ITGAD: variants seen among roughly 807,000 people sequenced by gnomAD.
ITGAD encodes integrin subunit alpha D.
A neutral mutation model predicts 139.0 loss-of-function variants in ITGAD; 105 were observed. The ratio of observed to expected loss-of-function variants is 0.76; its 90% CI spans 0.65 to 0.89. ITGAD has a LOEUF of 0.89. ITGAD is among the 40% of genes least tolerant of loss of function. The pLI is 0.00. For missense variants in ITGAD, 1,384 were observed against 1,487.3 expected, an observed-to-expected ratio of 0.93 and a Z score of 1.14; for synonymous variants, 569 against 598.3, an observed-to-expected ratio of 0.95 and a Z score of 0.71.
At position 31,403,422 on chromosome 16, in the gene ITGAD, C is replaced by T. The variant is rs2081455275; in HGVS notation, c.559-78C>T. The stretch of plus-strand genomic sequence containing the variant: ...ACTTGAGGCCAGGAGTTTGAGAGAC[C>T]CTGTCTCTACAAAAAATTAAAATAA... On this transcript the variant is annotated intron_variant, in intron 6 of 29. Transcript: ENST00000389202. The surrounding 1 kb of genome is among the most constrained non-coding windows in gnomAD (Gnocchi z 4.4). 2 of 1,543,650 alleles carry T rather than the reference C, an allele frequency of 1.3e-6. No individual in the cohort carries two copies. The highest frequency in any genetic ancestry group is 1.4e-5 in the African/African-American group (1 of 73,430).
In ITGAD at chr16:31,418,475, CTCCAGTGAGAACAATAAGGCT is replaced by C; in HGVS notation, c.2697-3_2714del. 6.2e-7 allele frequency: 1 copy of C among 1,613,168 alleles called. No homozygotes were observed. The highest frequency in any genetic ancestry group is 8.5e-7 in the Non-Finnish European group (1 of 1,179,180). On this transcript the variant is annotated splice_acceptor_variant and splice_polypyrimidine_tract_variant and coding_sequence_variant and intron_variant, in exon 23 of 30. Coordinates refer to ENST00000389202, the MANE Select transcript of ITGAD (RefSeq NM_005353.3). LOFTEE classifies it high-confidence loss of function. ...CTTCCCATTGGTCCCTCCTTTCTGT[CTCCAGTGAGAACAATAAGGCT>C]TCAAGCAGCAAGGCCACCTTCCAGC... is the stretch of plus-strand genomic sequence containing the variant.
chr16:31,400,041 G>C (rs766074413), intron 5 of ITGAD, among the ~76,000 whole-genome samples: 1 of 152,228 alleles, frequency 6.6e-6, no homozygotes, highest in South Asian at 2.1e-4. Flanking sequence ...ACAATAAAAA[G>C]ACCAAGAAAC....
chr16:31,403,624 C>G lies in ITGAD; in HGVS notation c.683C>G (p.Ala228Gly), dbSNP rs750831866. 1 of 1,614,154 alleles carries G rather than the reference C, an allele frequency of 6.2e-7. No homozygotes were observed. Reference sequence around the variant, plus strand: ...CAACTGAAAGGCCTGACGTTCACGGCCACGGGCATCCTGACAGTGGTGTAA... The same window carrying G: ...CAACTGAAAGGCCTGACGTTCACGGGCACGGGCATCCTGACAGTGGTGTAA... ...IVQLKGLTFTATGILTVVTQL... is the reference protein window; with the variant it reads ...IVQLKGLTFTGTGILTVVTQL... Residue 228 changes from alanine to glycine, a missense_variant, in exon 7 of 30, where the codon GCC becomes GGC. Coordinates refer to ENST00000389202, the MANE Select transcript of ITGAD (RefSeq NM_005353.3). This position sits in a 1 kb window ranked among gnomAD's most constrained non-coding sequence, Gnocchi z 4.4.
Position 31,426,007 on chromosome 16 carries a change from C to T in ITGAD, c.3373-8C>T, listed in dbSNP as rs1191941670. The T allele has an allele frequency of 6.3e-7, 1 of 1,598,894 alleles. No individual in the cohort carries two copies. Among genetic ancestry groups the T allele is most frequent in the East Asian group, 2.2e-5 (1 of 44,778 alleles). On this transcript the variant is annotated splice_region_variant and splice_polypyrimidine_tract_variant and intron_variant, in intron 29 of 29. Transcript: ENST00000389202. ...TACCCAGCTTTTCTAATTTATTTCC[C>T]CTGATAGCTTGGCTTCTTCAAACGC...
chr16:31,418,855 T>C (rs748872178), intron 23 of ITGAD, among the ~76,000 whole-genome samples: 23 of 152,210 alleles, frequency 1.5e-4, no homozygotes, highest in Non-Finnish European at 5.9e-5. Context: ...ACCCCATCTC[T>C]ACTAAAAATA....
Position 31,418,315 on chromosome 16 carries a change from C to G in ITGAD, c.2631C>G (p.Val877=), listed in dbSNP as rs757724648. The G allele has an allele frequency of 6.2e-7, 1 of 1,613,984 alleles. No individual in the cohort carries two copies. The highest frequency in any genetic ancestry group is 1.1e-5 in the South Asian group (1 of 91,060). The change falls in exon 22 of 30, where the codon GTC becomes GTG. Residue 877 remains valine, a synonymous_variant. Transcript: ENST00000389202. ...TCTTCCCTCAGGGCACCTTCATAGT[C>G]ACATTCGATGTCTCCTACAAGGCCA... ...FHEGSNGTFI[V]TFDVSYKATL...
rs745682686 is a variant in ITGAD at position 31,407,653 on chromosome 16, C to T, written c.843C>T (p.Ile281=). The T allele has an allele frequency of 6.2e-7, 1 of 1,614,204 alleles. No homozygotes were observed. The highest frequency in any genetic ancestry group is 2.2e-5 in the East Asian group (1 of 44,874). ...CCCAGGCAGAGAAGGCTGGCATCAT[C>T]CGCTACGCTATCGGGGTGCGCCTCT... is the stretch of plus-strand genomic sequence containing the variant. ...VIPQAEKAGI[I]RYAIGVGHAF... Residue 281 remains isoleucine (I), a synonymous_variant, in exon 8 of 30, where the codon ATC becomes ATT. Transcript: ENST00000389202.
intron 29 of ITGAD, 156 bp downstream of exon 29, chr16:31,424,733 G>A: frequency 1.9e-6 from 1 of 536,206 alleles, no homozygotes; most frequent in South Asian, 2.4e-5. Context: ...GAGTAGCTGG[G>A]ATTACAGGTG....
intron 29 of ITGAD, among the ~76,000 whole-genome samples, chr16:31,425,557 T>A (rs74972074): frequency 6.6e-6 from 1 of 152,196 alleles, no homozygotes; most frequent in South Asian, 2.1e-4. Flanking sequence ...ATAAATGTTC[T>A]CGCACACAAA....
chr16:31,400,616 T>G (rs1216579460), intron 5 of ITGAD, among the ~76,000 whole-genome samples: 2 of 152,200 alleles, frequency 1.3e-5, no homozygotes, highest in Admixed American at 1.3e-4. Context: ...GAATGTTCTT[T>G]TTTTTTGAGA....
At chr16:31,400,170 G>A (rs1009766493) in intron 5 of ITGAD, among the ~76,000 whole-genome samples, 5 of 152,136 alleles carry the variant, frequency 3.3e-5, no homozygotes, top group African/African-American at 1.2e-4. Flanking sequence ...CCCAGATGTG[G>A]GCAAAAAACG....
intron 29 of ITGAD, among the ~76,000 whole-genome samples, chr16:31,424,929 A>G (rs2082083747): frequency 6.6e-6 from 1 of 151,880 alleles, no homozygotes; most frequent in African/African-American, 2.4e-5. Flanking sequence ...CCAGCATCCA[A>G]CCCAAGCCCT....
intron 23 of ITGAD, among the ~76,000 whole-genome samples, chr16:31,419,812 C>CAAAAAAAAAAAAAAAAAAA (rs1202333629): frequency 5.2e-5 from 3 of 58,246 alleles, no homozygotes; most frequent in African/African-American, 1.7e-4. Flanking sequence ...GGCTCTGTCT[C>CAAAAAAAAAAAAAAAAAAA]AAAAAAAAAA....
intron 4 of ITGAD, 40 bp downstream of exon 4, chr16:31,397,706 C>CCGCGGG: frequency 1.0e-5 from 3 of 299,964 alleles, no homozygotes; most frequent in Non-Finnish European, 1.7e-5. Flanking sequence ...TGGGGTGGGG[C>CCGCGGG]GGGGGGTGTT....
At chr16:31,414,828 C>G in intron 17 of ITGAD, 32 bp from the exon 18 acceptor site, 2 of 1,610,910 alleles carry the variant, frequency 1.2e-6, no homozygotes, top group South Asian at 1.1e-5. Flanking sequence ...GTAGAGAGGA[C>G]AGCAGGTTCT....
At chr16:31,394,130 C>CAA (rs943198130) in intron 1 of ITGAD, 106 bp from the exon 2 acceptor site, 1,446 of 415,554 alleles carry the variant, frequency 3.5e-3, no homozygotes, top group South Asian at 4.9e-3. Context: ...GACTCCATCT[C>CAA]AAAAAAAAAA....
Position 31,407,812 on chromosome 16 carries a change from C to T in ITGAD, c.905C>T (p.Thr302Ile). ...CCCACTGCCAGGCAGGAGCTGAATACCATCAGCTCAGCGCCTCCGCAGGAC... is the reference window on the plus strand; with the variant it reads ...CCCACTGCCAGGCAGGAGCTGAATATCATCAGCTCAGCGCCTCCGCAGGAC... ...QGPTARQELN[T>I]ISSAPPQDHV... The change falls in exon 9 of 30, where the codon ACC becomes ATC. Residue 302 changes from threonine to isoleucine, a missense_variant. By Grantham distance (89) the Thr-to-Ile change is moderately conservative. Transcript: ENST00000389202. 1.2e-6 allele frequency: 2 copies of T among 1,613,818 alleles called. No homozygotes were observed. The highest frequency in any genetic ancestry group is 1.3e-5 in the African/African-American group (1 of 75,034).
Position 31,416,765 on chromosome 16 carries a change from AC to A in ITGAD, c.2499+120del, listed in dbSNP as rs1193400929. 9 of 690,816 alleles carry A rather than the reference AC, an allele frequency of 1.3e-5. No individual in the cohort carries two copies. In the Admixed American group the frequency reaches 2.8e-4, roughly 22 times the overall value. The allele number at this position is 690,816 out of a possible 1,614,324, so 42.8% of individuals were successfully genotyped here. On this transcript the variant is annotated intron_variant, in intron 20 of 29. Transcript: ENST00000389202. ...GATATGTGCTCTCTCTCTCTCTCTCACACACACACACATACACACAGAGAAA... is the reference window on the plus strand; with the variant it reads ...GATATGTGCTCTCTCTCTCTCTCTCAACACACACACATACACACAGAGAAA...
intron 23 of ITGAD, among the ~76,000 whole-genome samples, chr16:31,421,442 A>G (rs1666493962): frequency 1.3e-5 from 2 of 151,300 alleles, no homozygotes; most frequent in South Asian, 4.2e-4. Context: ...TGGGCAACAT[A>G]GTGAGAACCC....
Sources: allele counts gnomAD v4.1 joint callset (sites outside exome capture counted in the v4.1 genomes callset), GRCh38; gene constraint gnomAD v4.1.1; non-coding constraint Gnocchi (gnomAD v3.1); transcripts MANE v1.5; gene names NCBI Gene and HGNC (gene_info 2026-07-23, HGNC 2026-07-21).